The following TENM4 variants were observed in gnomAD, a reference collection of about 807,000 sequenced individuals.
TENM4 encodes teneurin transmembrane protein 4.
Under a neutral mutation model 243.3 loss-of-function variants are expected in TENM4, and 82 were observed. The observed-to-expected ratio is 0.34, with a 90% confidence interval of 0.28 to 0.40. The LOEUF (loss-of-function observed/expected upper bound fraction) is 0.40, where lower values mean the gene tolerates loss of function less well. TENM4 is among the 10% of genes least tolerant of loss of function. TENM4 has a pLI of 1.00. For synonymous variants in TENM4, 1,412 were observed against 1,456.3 expected, an observed-to-expected ratio of 0.97 and a Z score of 0.69; for missense variants, 3,138 against 3,673.3, an observed-to-expected ratio of 0.85 and a Z score of 3.77.
At chr11:78,733,015 T>G (rs1855703494) in intron 20 of TENM4, among the ~76,000 whole-genome samples, 1 of 152,188 alleles carries the variant, frequency 6.6e-6, no homozygotes, top group African/African-American at 2.4e-5. Context: ...GGTAAGTCAC[T>G]TAGCCTCTTT....
At chr11:78,750,764 G>A (rs754671466) in intron 19 of TENM4, among the ~76,000 whole-genome samples, 4 of 152,180 alleles carry the variant, frequency 2.6e-5, no homozygotes, top group Admixed American at 6.5e-5. Context: ...GACCCACAAA[G>A]AGCCCCCAAA....
Position 79,397,165 on chromosome 11 carries a change from G to A in TENM4, c.-321+43344C>T, listed in dbSNP as rs574128302. Among the ~76,000 whole-genome samples, 12 of 152,318 alleles carry A rather than the reference G, an allele frequency of 7.9e-5. 1 individual carries two copies. Among genetic ancestry groups the A allele is most frequent in the Admixed American group, 3.9e-4 (6 of 15,292 alleles). ...AAAAGCAGGAGCTAAGAAGGAAAAG[G>A]CCATTCCAGCTAGTCATGGCTGAGG... is the stretch of plus-strand genomic sequence containing the variant. On this transcript the variant is annotated intron_variant, in intron 1 of 33. Coordinates refer to ENST00000278550, the MANE Select transcript of TENM4 (RefSeq NM_001098816.3).
intron 1 of TENM4, among the ~76,000 whole-genome samples, chr11:79,419,920 T>G (rs1408436524): frequency 1.3e-5 from 2 of 152,150 alleles, no homozygotes; most frequent in Admixed American, 1.3e-4. Flanking sequence ...GGAGGGAGTT[T>G]GAGTATGAGA....
chr11:78,662,291 A>G (rs1858050740), intron 32 of TENM4, among the ~76,000 whole-genome samples: 1 of 151,280 alleles, frequency 6.6e-6, no homozygotes, highest in Non-Finnish European at 1.5e-5. Context: ...TCCTGGGTTC[A>G]AGCAATTCCC....
intron 1 of TENM4, among the ~76,000 whole-genome samples, chr11:79,401,835 G>A (rs1858468567): frequency 6.6e-6 from 1 of 152,200 alleles, no homozygotes; most frequent in Admixed American, 6.5e-5. Context: ...TGGTGAGCAG[G>A]TTGAGTTGGC....
chr11:79,197,342 G>GT lies in TENM4; in HGVS notation c.-163+18465dup, dbSNP rs72366488. On this transcript the variant is annotated intron_variant, in intron 3 of 33. Coordinates refer to ENST00000278550, the MANE Select transcript of TENM4 (RefSeq NM_001098816.3). ...GGCTGCTCATTAGAATCACCTGGAA[G>GT]TTTTTTTTTTTAAAAAGCCCCTGCT... Among the ~76,000 whole-genome samples, 150 of 62,812 alleles carry GT rather than the reference G, an allele frequency of 2.4e-3. 2 individuals are homozygous for GT. The highest frequency in any genetic ancestry group is 2.8e-3 in the East Asian group (5 of 1,780). The allele number at this position is 62,812 out of a possible 152,430, so 41.2% of individuals were successfully genotyped here.
intron 9 of TENM4, among the ~76,000 whole-genome samples, chr11:78,868,612 T>C (rs1859047371): frequency 6.6e-6 from 1 of 152,166 alleles, no homozygotes; most frequent in African/African-American, 2.4e-5. Flanking sequence ...AAAGGCTCCA[T>C]AGATGTTCAG....
Position 78,786,957 on chromosome 11 carries a change from G to C in TENM4, c.2306C>G (p.Thr769Ser). The C allele has an allele frequency of 1.9e-6, 3 of 1,602,056 alleles. No homozygotes were observed. Among genetic ancestry groups the C allele is most frequent in the Non-Finnish European group, 2.6e-6 (3 of 1,174,836 alleles). The change falls in exon 16 of 34, where the codon ACC becomes AGC. Residue 769 changes from threonine (T) to serine (S), a missense_variant. Physicochemically the swap from Thr to Ser is moderately conservative, Grantham distance 58. Around this residue, in one of 2 missense-constraint regions of TENM4, gnomAD observed 2,467 missense variants for 3,059.1 expected, o/e 0.81. Transcript: ENST00000278550. ...GCACTCGCACTTGCCGTCGCGGCAG[G>C]TCCCATGCTCGGCACAGCGCGGGTG... ...ACHPRCAEHG[T>S]CRDGKCECSP...
intron 2 of TENM4, among the ~76,000 whole-genome samples, chr11:79,286,372 A>G (rs533060002): frequency 6.6e-6 from 1 of 151,876 alleles, no homozygotes; most frequent in South Asian, 2.1e-4. Flanking sequence ...TAGAAATAGG[A>G]TGGGCACGGT....
At chr11:78,997,736 G>C (rs539867683) in intron 6 of TENM4, among the ~76,000 whole-genome samples, 140 of 152,292 alleles carry the variant, frequency 9.2e-4, no homozygotes, top group African/African-American at 3.2e-3. Flanking sequence ...GCTAAGTTCT[G>C]GACTGGCGTC....
chr11:79,103,254 C>T (rs1364898656), intron 4 of TENM4, among the ~76,000 whole-genome samples: 2 of 152,188 alleles, frequency 1.3e-5, no homozygotes, highest in African/African-American at 2.4e-5. Flanking sequence ...CAGGACTCCC[C>T]CCTCCCCTGG....
At chr11:79,273,038 C>T (rs1240165609) in intron 2 of TENM4, among the ~76,000 whole-genome samples, 1 of 152,170 alleles carries the variant, frequency 6.6e-6, no homozygotes, top group African/African-American at 2.4e-5. Context: ...TTTACACTTA[C>T]CCAAAAGAGC....
chr11:79,171,736 T>C (rs765871723), intron 3 of TENM4, among the ~76,000 whole-genome samples: 2 of 152,234 alleles, frequency 1.3e-5, no homozygotes, highest in Non-Finnish European at 2.9e-5. Flanking sequence ...TAGCCTAAAA[T>C]AATTGTGTAA....
chr11:79,402,517 C>T (rs1228032674), intron 1 of TENM4, among the ~76,000 whole-genome samples: 3 of 152,104 alleles, frequency 2.0e-5, no homozygotes, highest in African/African-American at 7.2e-5. Context: ...TTATTCAATG[C>T]ATTTTGGTTT....
chr11:78,752,240 G>A (rs1856206663), intron 19 of TENM4, among the ~76,000 whole-genome samples: 1 of 152,208 alleles, frequency 6.6e-6, no homozygotes, highest in Non-Finnish European at 1.5e-5. Flanking sequence ...GGCCCCTCAG[G>A]GAGGCCTTCA....
At chr11:78,977,495 A>C (rs957702146) in intron 6 of TENM4, among the ~76,000 whole-genome samples, 2 of 152,254 alleles carry the variant, frequency 1.3e-5, no homozygotes, top group African/African-American at 4.8e-5. Context: ...ACTGGCAGTA[A>C]ACTGCAAATC....
chr11:79,132,345 CAA>C (rs569082783), intron 4 of TENM4, among the ~76,000 whole-genome samples: 2 of 49,954 alleles, frequency 4.0e-5, no homozygotes. Context: ...GACTCCAACT[CAA>C]AAAAAAAAAA....
intron 1 of TENM4, among the ~76,000 whole-genome samples, chr11:79,403,089 C>T (rs1467791706): frequency 6.6e-6 from 1 of 152,170 alleles, no homozygotes; most frequent in Non-Finnish European, 1.5e-5. Context: ...TCTGCATTCA[C>T]GAAGGCAGTT....
chr11:79,036,067 A>G (rs1352653856), intron 6 of TENM4, among the ~76,000 whole-genome samples: 1 of 152,164 alleles, frequency 6.6e-6, no homozygotes, highest in Non-Finnish European at 1.5e-5. Context: ...AACTTTCTTC[A>G]AAGTCTAGGG....
Sources: gnomAD v4.1 joint callset for allele counts (sites outside exome capture counted in the v4.1 genomes callset) on GRCh38, gnomAD v4.1.1 for gene constraint, gnomAD v4.1.1 regional missense constraint, MANE v1.5 for transcripts, NCBI Gene and HGNC (gene_info 2026-07-23, HGNC 2026-07-21) for gene names.